The following IPMK variants were observed in gnomAD, a reference collection of about 807,000 sequenced individuals.
IPMK encodes inositol 1,3,4,6-tetrakisphosphate 5-kinase.
In IPMK, 17 loss-of-function variants were observed where a neutral mutation model predicts 45.8. That is an observed-to-expected ratio of 0.37 (90% CI 0.25 to 0.56). IPMK has a LOEUF of 0.56. Among genes scored for constraint, IPMK ranks in the 20% least tolerant of loss-of-function variants. The pLI is 0.79. For missense variants in IPMK, 399 were observed against 498.0 expected, an observed-to-expected ratio of 0.80 and a Z score of 1.89; for synonymous variants, 180 against 184.3, an observed-to-expected ratio of 0.98 and a Z score of 0.19.
At position 58,250,028 on chromosome 10, in the gene IPMK, C is replaced by T. The variant is rs182419044; in HGVS notation, c.191-12214G>A. On this transcript the variant is annotated intron_variant, in intron 1 of 5. Coordinates refer to ENST00000373935, the MANE Select transcript of IPMK (RefSeq NM_152230.5). ...TGAATTTATTTCCAGTTCACTATTA[C>T]GTTCCATTAGACTATGTGTCTGTTT... Among the ~76,000 whole-genome samples the T allele has an allele frequency of 3.2e-3, 486 of 152,260 alleles. 2 individuals carry two copies. The highest frequency in any genetic ancestry group is 0.011 in the African/African-American group (468 of 41,562).
intron 1 of IPMK, among the ~76,000 whole-genome samples, chr10:58,241,430 T>C (rs549452730): frequency 1.3e-5 from 2 of 152,224 alleles, no homozygotes; most frequent in Non-Finnish European, 1.5e-5. Flanking sequence ...AGTAGACAGT[T>C]AAACAGAAAT....
At chr10:58,265,688 C>T (rs2790168) in intron 1 of IPMK, among the ~76,000 whole-genome samples, 51,495 of 151,998 alleles carry the variant, frequency 0.34, 10,972 homozygotes, top group African/African-American at 0.61. Context: ...TTATTTTACA[C>T]TGAATGCCAT....
chr10:58,232,557 G>A (rs2132162314), intron 2 of IPMK, among the ~76,000 whole-genome samples: 1 of 152,306 alleles, frequency 6.6e-6, no homozygotes, highest in South Asian at 2.1e-4. Flanking sequence ...CATGGAAACT[G>A]AACAACTTGC....
intron 1 of IPMK, among the ~76,000 whole-genome samples, chr10:58,252,310 C>T (rs1425113744): frequency 6.6e-6 from 1 of 152,054 alleles, no homozygotes; most frequent in Non-Finnish European, 1.5e-5. Context: ...TCAATTTATA[C>T]CTTTTTATAT....
chr10:58,220,588 G>A (rs2132155454), intron 3 of IPMK, among the ~76,000 whole-genome samples: 1 of 152,246 alleles, frequency 6.6e-6, no homozygotes. Flanking sequence ...GGGATATTAA[G>A]AAGACTAAAT....
intron 2 of IPMK, among the ~76,000 whole-genome samples, chr10:58,236,509 A>G (rs1382843685): frequency 1.3e-5 from 2 of 152,258 alleles, no homozygotes; most frequent in African/African-American, 2.4e-5. Context: ...GTATTTTACC[A>G]TATTAACAGA....
intron 2 of IPMK, 79 bp from the exon 3 acceptor site, chr10:58,227,218 T>C (rs1838431544): frequency 2.8e-6 from 3 of 1,077,132 alleles, no homozygotes; most frequent in Non-Finnish European, 2.7e-6. Context: ...ATAAAATTTA[T>C]GTTGAATTAT....
At chr10:58,202,948 A>G (rs766087156) in intron 4 of IPMK, among the ~76,000 whole-genome samples, 8 of 152,188 alleles carry the variant, frequency 5.3e-5, no homozygotes, top group Non-Finnish European at 1.0e-4. Context: ...TTTAAGTTCT[A>G]TTATTTAAGA....
At chr10:58,262,556 A>G (rs1839088172) in intron 1 of IPMK, among the ~76,000 whole-genome samples, 2 of 152,260 alleles carry the variant, frequency 1.3e-5, no homozygotes, top group Admixed American at 6.5e-5. Context: ...AATACCTAGT[A>G]ACACAGATCT....
intron 1 of IPMK, among the ~76,000 whole-genome samples, chr10:58,262,938 A>G (rs1309369504): frequency 6.6e-6 from 1 of 150,800 alleles, no homozygotes; most frequent in Non-Finnish European, 1.5e-5. Context: ...GGGGGAAAAA[A>G]TCACAATTTT....
chr10:58,257,651 C>T (rs947175414), intron 1 of IPMK, among the ~76,000 whole-genome samples: 18 of 151,860 alleles, frequency 1.2e-4, no homozygotes, highest in African/African-American at 4.1e-4. Context: ...TCAGAGAATC[C>T]GAAACAGACT....
rs1337554658 is a variant in IPMK at position 58,193,950 on chromosome 10, A to T, written c.*2126T>A. ...TAACAATGATAACAAATGTAAACAAACAGAATTAAATGTTAATCCCTTCCC... is the reference window on the plus strand; with the variant it reads ...TAACAATGATAACAAATGTAAACAATCAGAATTAAATGTTAATCCCTTCCC... On this transcript the variant is annotated 3_prime_UTR_variant, in exon 6 of 6. Coordinates refer to ENST00000373935, the MANE Select transcript of IPMK (RefSeq NM_152230.5). 1 of 152,016 alleles carries T rather than the reference A, an allele frequency of 6.6e-6. No individual in the cohort carries two copies. Among genetic ancestry groups the T allele is most frequent in the East Asian group, 1.9e-4 (1 of 5,188 alleles). 9.4% of individuals were successfully genotyped at this position (152,016 alleles called of 1,614,324 possible). A position where few individuals can be genotyped will look rare whatever the true frequency, so the allele number is the denominator to read the frequency against.
intron 1 of IPMK, among the ~76,000 whole-genome samples, chr10:58,263,565 C>T (rs1839105918): frequency 6.6e-6 from 1 of 151,816 alleles, no homozygotes; most frequent in Non-Finnish European, 1.5e-5. Flanking sequence ...TGCACCTATA[C>T]TCCCGGCTAC....
intron 4 of IPMK, among the ~76,000 whole-genome samples, chr10:58,200,517 G>T (rs1438321215): frequency 1.3e-5 from 2 of 151,934 alleles, no homozygotes; most frequent in African/African-American, 4.8e-5. Flanking sequence ...AGATTAATAA[G>T]GTAGAACTAA....
At chr10:58,198,534 T>C (rs1564526859) in intron 5 of IPMK, among the ~76,000 whole-genome samples, 1 of 152,218 alleles carries the variant, frequency 6.6e-6, no homozygotes, top group Non-Finnish European at 1.5e-5. Context: ...CAAACACTAA[T>C]TGTTAAGCTC....
At chr10:58,233,375 G>A (rs929327044) in intron 2 of IPMK, among the ~76,000 whole-genome samples, 2 of 151,962 alleles carry the variant, frequency 1.3e-5, no homozygotes, top group African/African-American at 4.8e-5. Context: ...CAAAAAAAAG[G>A]GAATTTTAGA....
At chr10:58,239,141 C>A (rs1838660548) in intron 1 of IPMK, among the ~76,000 whole-genome samples, 1 of 152,002 alleles carries the variant, frequency 6.6e-6, no homozygotes, top group Non-Finnish European at 1.5e-5. Flanking sequence ...AGAGCGAGAG[C>A]CCCTCTCTAA....
intron 4 of IPMK, among the ~76,000 whole-genome samples, chr10:58,213,685 CA>C (rs1332533772): frequency 4.0e-4 from 35 of 86,530 alleles, no homozygotes; most frequent in Admixed American, 8.4e-4. Context: ...GACTCCGTCT[CA>C]AAAAAAAAAA....
intron 1 of IPMK, among the ~76,000 whole-genome samples, chr10:58,254,755 G>A (rs1258727752): frequency 6.6e-6 from 1 of 152,298 alleles, no homozygotes; most frequent in African/African-American, 2.4e-5. Flanking sequence ...CTGTTCAGTG[G>A]ATGACTTATA....
Sources: gnomAD v4.1 joint callset for allele counts (sites outside exome capture counted in the v4.1 genomes callset) on GRCh38, gnomAD v4.1.1 for gene constraint, MANE v1.5 for transcripts, NCBI Gene and HGNC (gene_info 2026-07-23, HGNC 2026-07-21) for gene names.